The following OPRM1 variants were observed in gnomAD, a reference collection of about 807,000 sequenced individuals.
OPRM1 encodes the protein mu-type opioid receptor.
A neutral mutation model predicts 31.8 loss-of-function variants in OPRM1; 27 were observed. The observed-to-expected ratio is 0.85, with a 90% confidence interval of 0.63 to 1.17. The LOEUF is 1.17. Among genes scored for constraint, OPRM1 ranks in the 50% most tolerant of loss-of-function variants. The pLI, the probability that OPRM1 is intolerant of heterozygous loss-of-function variation, is 0.00. For synonymous variants in OPRM1, 196 were observed against 189.9 expected (o/e 1.03, Z -0.26); for missense variants, 536 against 511.1 (o/e 1.05, Z -0.47).
chr6:154,166,411 G>A (rs188987397), intron 3 of OPRM1, among the ~76,000 whole-genome samples: 17 of 152,252 alleles, frequency 1.1e-4, no homozygotes, highest in African/African-American at 2.9e-4. Context: ...TGCTCTCCGC[G>A]GCCTCTACTT....
chr6:154,161,089 C>T (rs1019390535), intron 3 of OPRM1, among the ~76,000 whole-genome samples: 12 of 152,214 alleles, frequency 7.9e-5, no homozygotes, highest in African/African-American at 2.9e-4. Flanking sequence ...CTCACACCTC[C>T]GTGTTGTTGT....
intron 3 of OPRM1, among the ~76,000 whole-genome samples, chr6:154,206,494 G>C (rs913382978): frequency 6.6e-6 from 1 of 152,104 alleles, no homozygotes; most frequent in African/African-American, 2.4e-5. Context: ...TAAATGATGT[G>C]GGTAAATGAA....
At chr6:154,172,577 T>C (rs1049137131) in intron 3 of OPRM1, among the ~76,000 whole-genome samples, 4 of 152,300 alleles carry the variant, frequency 2.6e-5, no homozygotes, top group African/African-American at 9.6e-5. Flanking sequence ...TGCTGGAGCT[T>C]GGCAAGGGGA....
downstream of OPRM1, among the ~76,000 whole-genome samples, chr6:154,134,314 A>G (rs1378953412): frequency 6.6e-6 from 1 of 152,202 alleles, no homozygotes; most frequent in Non-Finnish European, 1.5e-5. Flanking sequence ...AGACCTCACC[A>G]TGGGATAGAG....
chr6:154,188,601 A>C (rs913034428), intron 3 of OPRM1, among the ~76,000 whole-genome samples: 4 of 152,214 alleles, frequency 2.6e-5, no homozygotes, highest in Non-Finnish European at 4.4e-5. Context: ...AAAAAGAACA[A>C]AGTAGGAAAA....
At chr6:154,065,226 T>G (rs559665141) in intron 1 of OPRM1, among the ~76,000 whole-genome samples, 1 of 151,026 alleles carries the variant, frequency 6.6e-6, no homozygotes, top group South Asian at 2.1e-4. Flanking sequence ...CTCGGCTCAC[T>G]GCAACCTCCA....
At chr6:154,175,592 G>T (rs184224474) in intron 3 of OPRM1, among the ~76,000 whole-genome samples, 136 of 152,086 alleles carry the variant, frequency 8.9e-4, no homozygotes, top group Non-Finnish European at 1.5e-3. Flanking sequence ...GAAATTCATG[G>T]ACACATACAC....
At position 154,212,890 on chromosome 6, in the gene OPRM1, G is replaced by A. The variant is rs765160788; in HGVS notation, c.1165-33803G>A. 64 of 1,369,054 alleles carry A rather than the reference G, an allele frequency of 4.7e-5. No homozygotes were observed. The Middle Eastern group carries it at 5.3e-4, about 11-fold the overall frequency. 84.8% of individuals were successfully genotyped at this position (1,369,054 alleles called of 1,614,324 possible). A position where few individuals can be genotyped will look rare whatever the true frequency, so the allele number is the denominator to read the frequency against. Reference sequence around the variant, plus strand: ...AAATGAAAATGCTTAATGTTTTAACGCTGTCATCGCTTATTCCATAATGCA... The same window carrying A: ...AAATGAAAATGCTTAATGTTTTAACACTGTCATCGCTTATTCCATAATGCA... On this transcript the variant is annotated intron_variant, in intron 3 of 3. Coordinates refer to the OPRM1 transcript ENST00000337049.
intron 3 of OPRM1, among the ~76,000 whole-genome samples, chr6:154,186,218 C>A (rs969625995): frequency 9.2e-5 from 14 of 152,246 alleles, no homozygotes; most frequent in Admixed American, 2.0e-4. Context: ...TGAGGCATTT[C>A]AAATTCAACT....
downstream of OPRM1, among the ~76,000 whole-genome samples, chr6:154,134,365 A>G (rs1017865573): frequency 3.3e-5 from 5 of 152,200 alleles, no homozygotes; most frequent in Admixed American, 6.5e-5. Context: ...ATGCATCGAC[A>G]TTCAATCCAA....
intron 1 of OPRM1, chr6:154,087,679 A>G (rs1307113573): frequency 6.4e-6 from 5 of 785,122 alleles, no homozygotes; most frequent in African/African-American, 1.9e-5. Flanking sequence ...GCCATTCACC[A>G]TGGCCCCGGT....
chr6:154,066,886 T>A (rs484090), intron 1 of OPRM1, among the ~76,000 whole-genome samples: 7,226 of 152,266 alleles, frequency 0.047, 330 homozygotes, highest in Admixed American at 0.15. Context: ...GTAGCTTAAG[T>A]AGACTATTAC....
At chr6:154,039,099 A>C (rs1779506915), upstream of OPRM1, 3 of 1,481,224 alleles carry the variant, frequency 2.0e-6, no homozygotes, top group Non-Finnish European at 2.7e-6. Context: ...CTTATTTTTC[A>C]CTGCTACCAA....
rs1436980719 is a variant in OPRM1, at chr6:154,123,830, C to T, written c.*5109C>T. 6.6e-6 allele frequency among the ~76,000 whole-genome samples: 1 copy of T among 152,192 alleles called. No homozygotes were observed. The highest frequency in any genetic ancestry group is 1.5e-5 in the Non-Finnish European group (1 of 68,026). On this transcript the variant is annotated 3_prime_UTR_variant, in exon 4 of 4. Coordinates refer to ENST00000330432, the MANE Select transcript of OPRM1 (RefSeq NM_000914.5). ...GTGTATAATGAGTAGTGAGGACAAC[C>T]AGAGGTAACTTTCATTGCCATCTTG...
At chr6:154,013,444 A>G (rs987862301) in intron 1 of OPRM1, among the ~76,000 whole-genome samples, 2 of 152,180 alleles carry the variant, frequency 1.3e-5, no homozygotes, top group Admixed American at 1.3e-4. Flanking sequence ...AGAATTTGTG[A>G]ATTTATGCAT....
intron 3 of OPRM1, among the ~76,000 whole-genome samples, chr6:154,188,510 G>T (rs1366083915): frequency 6.6e-6 from 1 of 152,250 alleles, no homozygotes; most frequent in African/African-American, 2.4e-5. Flanking sequence ...GCATGTGTGT[G>T]TATGTGTGGG....
intron 3 of OPRM1, among the ~76,000 whole-genome samples, chr6:154,139,149 G>A (rs1798135699): frequency 6.6e-6 from 1 of 152,172 alleles, no homozygotes; most frequent in African/African-American, 2.4e-5. Flanking sequence ...CCAGCTTTGC[G>A]TGAATTACTC....
chr6:154,223,767 G>A (rs1015458307), intron 3 of OPRM1, among the ~76,000 whole-genome samples: 3 of 152,310 alleles, frequency 2.0e-5, no homozygotes, highest in African/African-American at 7.2e-5. Flanking sequence ...AAACTGCTAA[G>A]AGTCACTCAA....
intron 3 of OPRM1, chr6:154,157,286 G>A (rs972278520): frequency 6.6e-6 from 1 of 152,330 alleles, no homozygotes; most frequent in African/African-American, 2.4e-5. Flanking sequence ...CACAGAAGCA[G>A]CCCTACTTTC....
Sources: gnomAD v4.1 joint callset for allele counts (sites outside exome capture counted in the v4.1 genomes callset) on GRCh38, gnomAD v4.1.1 for gene constraint, MANE v1.5 for transcripts, NCBI Gene and HGNC (gene_info 2026-07-23, HGNC 2026-07-21) for gene names.